The following RCHY1 variants were observed in gnomAD, a reference collection of about 807,000 sequenced individuals.
RCHY1 encodes the protein ring finger and CHY zinc finger domain containing 1.
RCHY1 carries 21 observed loss-of-function variants against 41.6 expected under a neutral mutation model. The observed-to-expected ratio is 0.51, with a 90% CI of 0.36 to 0.73. The LOEUF (loss-of-function observed/expected upper bound fraction) is 0.73, where lower values mean the gene tolerates loss of function less well. RCHY1 is among the 30% of genes least tolerant of loss of function. RCHY1 has a pLI of 0.00. For synonymous variants in RCHY1, 79 were observed against 102.9 expected (o/e 0.77, Z 1.41); for missense variants, 265 against 325.3 (o/e 0.81, Z 1.43).
At chr4:75,488,035 A>G (rs969969404) in intron 8 of RCHY1, among the ~76,000 whole-genome samples, 1 of 150,078 alleles carries the variant, frequency 6.7e-6, no homozygotes, top group African/African-American at 2.4e-5. Flanking sequence ...GCATGCTACA[A>G]AGGGCCCCTG....
At chr4:75,483,516 T>A (rs1218602775) in intron 8 of RCHY1, among the ~76,000 whole-genome samples, 1 of 152,212 alleles carries the variant, frequency 6.6e-6, no homozygotes, top group Non-Finnish European at 1.5e-5. Context: ...ATTGTGGTGA[T>A]GTTTGCATAA....
Position 75,494,189 on chromosome 4 carries a change from C to T in RCHY1, c.327-10G>A, listed in dbSNP as rs1370985564. ...TTCCTTTGGACCAATCCTAGCAAAACACATGAAAGCCAAAAGATTAGATTA... is the reference window on the plus strand; with the variant it reads ...TTCCTTTGGACCAATCCTAGCAAAATACATGAAAGCCAAAAGATTAGATTA... On this transcript the variant is annotated splice_polypyrimidine_tract_variant and intron_variant, in intron 3 of 8. Transcript: ENST00000324439. 1.3e-6 allele frequency: 2 copies of T among 1,525,540 alleles called. No homozygotes were observed. Among genetic ancestry groups the T allele is most frequent in the Non-Finnish European group, 1.8e-6 (2 of 1,124,534 alleles). 94.5% of individuals were successfully genotyped at this position (1,525,540 alleles called of 1,614,324 possible). A position where few individuals can be genotyped will look rare whatever the true frequency, so the allele number is the denominator to read the frequency against.
At chr4:75,503,640 C>T (rs1421270967) in intron 3 of RCHY1, among the ~76,000 whole-genome samples, 3 of 151,590 alleles carry the variant, frequency 2.0e-5, no homozygotes, top group South Asian at 4.2e-4. Context: ...TGCAGTGAGC[C>T]GAGATCACGC....
chr4:75,493,912 G>A (rs1186258686), intron 4 of RCHY1, among the ~76,000 whole-genome samples, 189 bp downstream of exon 4: 5 of 151,682 alleles, frequency 3.3e-5, no homozygotes, highest in Non-Finnish European at 7.4e-5. Context: ...AGAAGAAAAG[G>A]AACTGTAGGT....
chr4:75,489,083 C>CA (rs201130612), intron 8 of RCHY1, among the ~76,000 whole-genome samples: 35 of 135,668 alleles, frequency 2.6e-4, no homozygotes, highest in Non-Finnish European at 3.6e-4. Flanking sequence ...CTAAAACAAA[C>CA]AAAAAAAAAA....
intron 3 of RCHY1, among the ~76,000 whole-genome samples, chr4:75,504,717 C>A (rs74999917): frequency 4.6e-4 from 70 of 152,250 alleles, no homozygotes; most frequent in Non-Finnish European, 7.6e-4. Flanking sequence ...CATATTTGAG[C>A]ACACATTATC....
intron 8 of RCHY1, among the ~76,000 whole-genome samples, chr4:75,485,907 G>A (rs185875021): frequency 2.0e-5 from 3 of 152,258 alleles, no homozygotes; most frequent in Admixed American, 2.0e-4. Context: ...TGGCTTCAGA[G>A]GTGTCTGTTG....
rs566593181 is a variant in RCHY1 at position 75,514,344 on chromosome 4, A to T, written c.-58T>A. On this transcript the variant is annotated 5_prime_UTR_variant, in exon 1 of 9. Coordinates refer to ENST00000324439, the MANE Select transcript of RCHY1 (RefSeq NM_015436.4). ...TTCCCCCAGGATAAAAACCACGCCC[A>T]GAGAAGCTGCGCCTCTCTAGCACAC... 88 of 1,566,478 alleles carry T rather than the reference A, an allele frequency of 5.6e-5. No homozygotes were observed. In the African/African-American group the frequency reaches 1.1e-3, roughly 19 times the overall value.
rs753567152 is a variant in RCHY1, at chr4:75,514,235, G to C, written c.52C>G (p.Arg18Gly). The change falls in exon 1 of 9, where the codon CGG (arginine) becomes GGG (glycine). Residue 18 changes from arginine (R) to glycine (G), a missense_variant. Coordinates refer to ENST00000324439, the MANE Select transcript of RCHY1 (RefSeq NM_015436.4). Reference sequence around the variant, plus strand: ...CCTCTGTCATAGTGCTCGCAGCCCCGCTGACCTCGCTCTTGACCGCTGGCG... The same window carrying C: ...CCTCTGTCATAGTGCTCGCAGCCCCCCTGACCTCGCTCTTGACCGCTGGCG... ...DGASGQERGQ[R>G]GCEHYDRGCL... The C allele has an allele frequency of 1.9e-6, 3 of 1,612,806 alleles. No homozygotes were observed. Among genetic ancestry groups the C allele is most frequent in the Admixed American group, 3.3e-5 (2 of 60,000 alleles).
At chr4:75,487,472 C>CAATATATATAGTCATATATATTCAT (rs1722127777) in intron 8 of RCHY1, among the ~76,000 whole-genome samples, 13 of 97,492 alleles carry the variant, frequency 1.3e-4, no homozygotes, top group Admixed American at 1.0e-3. Context: ...TATATATTCA[C>CAATATATATAGTCATATATATTCAT]AATATATATA....
chr4:75,513,021 C>G (rs1053717696), intron 1 of RCHY1, among the ~76,000 whole-genome samples: 2 of 151,950 alleles, frequency 1.3e-5, no homozygotes, highest in African/African-American at 4.8e-5. Context: ...TGTTAAATTC[C>G]GTTTTAGACC....
intron 3 of RCHY1, among the ~76,000 whole-genome samples, chr4:75,495,891 T>G (rs1035798740): frequency 4.0e-5 from 6 of 151,838 alleles, no homozygotes; most frequent in Admixed American, 6.6e-5. Flanking sequence ...GTATAAATAT[T>G]TGTCTGTGTA....
chr4:75,497,644 G>C lies in RCHY1; in HGVS notation c.327-3465C>G, dbSNP rs147797512. Among the ~76,000 whole-genome samples the C allele has an allele frequency of 2.9e-3, 440 of 151,906 alleles. 2 individuals carry two copies. The highest frequency in any genetic ancestry group is 0.01 in the Middle Eastern group (3 of 294). ...ATTTAAACTCTGTTAAGTTTAATTT[G>C]TCTTAAGTTTTTCTTTTAACACATG... On this transcript the variant is annotated intron_variant, in intron 3 of 8. Transcript: ENST00000324439.
chr4:75,508,525 T>C (rs1047037033), intron 3 of RCHY1, among the ~76,000 whole-genome samples: 2 of 152,156 alleles, frequency 1.3e-5, no homozygotes, highest in African/African-American at 4.8e-5. Flanking sequence ...TAAAACACTT[T>C]ATATAAAACA....
chr4:75,490,533 G>C, intron 8 of RCHY1, 48 bp downstream of exon 8: 2 of 1,523,834 alleles, frequency 1.3e-6, no homozygotes, highest in Non-Finnish European at 1.8e-6. Context: ...GCAAAAATAA[G>C]AGTGCCAACA....
chr4:75,483,093 T>C (rs1026848808), intron 8 of RCHY1, among the ~76,000 whole-genome samples: 14 of 152,108 alleles, frequency 9.2e-5, no homozygotes, highest in African/African-American at 3.4e-4. Context: ...ATTTTTTAGG[T>C]TTAGTATACT....
intron 8 of RCHY1, among the ~76,000 whole-genome samples, chr4:75,487,732 A>T (rs867064411): frequency 3.8e-5 from 2 of 52,622 alleles, no homozygotes; most frequent in African/African-American, 1.6e-4. Context: ...ATATATTCAT[A>T]ATATATATTC....
At chr4:75,503,995 T>C (rs1317571794) in intron 3 of RCHY1, among the ~76,000 whole-genome samples, 1 of 152,194 alleles carries the variant, frequency 6.6e-6, no homozygotes, top group African/African-American at 2.4e-5. Context: ...TGAAGAAAGG[T>C]CGTCTTTTCT....
At chr4:75,500,642 A>C (rs1203836407) in intron 3 of RCHY1, among the ~76,000 whole-genome samples, 1 of 152,192 alleles carries the variant, frequency 6.6e-6, no homozygotes, top group Non-Finnish European at 1.5e-5. Flanking sequence ...TTTCAAGCCC[A>C]CACCTCCAGA....
Sources: gnomAD v4.1 joint callset for allele counts (sites outside exome capture counted in the v4.1 genomes callset) on GRCh38, gnomAD v4.1.1 for gene constraint, MANE v1.5 for transcripts, NCBI Gene and HGNC (gene_info 2026-07-23, HGNC 2026-07-21) for gene names.